FAM174B: variants seen among roughly 807,000 people sequenced by gnomAD.
FAM174B encodes family with sequence similarity 174 member B, also known as membrane protein FAM174B.
FAM174B carries 12 observed loss-of-function variants against 10.9 expected under a neutral mutation model. The observed-to-expected ratio is 1.10, with a 90% confidence interval of 0.71 to 1.79. The LOEUF (loss-of-function observed/expected upper bound fraction) is 1.79, where lower values mean the gene tolerates loss of function less well. FAM174B is among the 40% of genes most tolerant of loss of function. FAM174B has a pLI of 0.00. For missense variants in FAM174B, 266 were observed against 233.3 expected (o/e 1.14, Z -0.91); for synonymous variants, 132 against 115.8 (o/e 1.14, Z -0.90).
chr15:92,641,120 AT>A (rs769591079), intron 1 of FAM174B, among the ~76,000 whole-genome samples: 2 of 152,188 alleles, frequency 1.3e-5, no homozygotes, highest in Non-Finnish European at 2.9e-5. Flanking sequence ...CTATGAAAAA[AT>A]GTCCAATCTC....
intron 1 of FAM174B, among the ~76,000 whole-genome samples, chr15:92,643,136 GTT>G (rs35610303): frequency 4.4e-4 from 65 of 148,690 alleles, no homozygotes; most frequent in African/African-American, 6.9e-4. Flanking sequence ...CACTTTATTT[GTT>G]TTTTTTTTTT....
intron 1 of FAM174B, chr15:92,634,693 C>G (rs1280428230): frequency 6.6e-6 from 1 of 152,184 alleles, no homozygotes; most frequent in African/African-American, 2.4e-5. Flanking sequence ...TCTGTGACAA[C>G]TTGAGTGGGC....
chr15:92,626,230 C>T lies in FAM174B; in HGVS notation c.476+3984G>A, dbSNP rs893658445. ...TCTCCTGCCTCAGCCTCCCAAGTAGCTGGGACTACAGGCGCCAGCCACCGT... is the reference window on the plus strand; with the variant it reads ...TCTCCTGCCTCAGCCTCCCAAGTAGTTGGGACTACAGGCGCCAGCCACCGT... On this transcript the variant is annotated intron_variant, in intron 2 of 2. Transcript: ENST00000327355. Among the ~76,000 whole-genome samples, 5 of 150,644 alleles carry T rather than the reference C, an allele frequency of 3.3e-5. No homozygotes were observed. In the East Asian group the frequency reaches 9.9e-4, roughly 30 times the overall value.
In FAM174B at chr15:92,643,762, T is replaced by C. The variant is rs549319448; in HGVS notation, c.344+11554A>G. On this transcript the variant is annotated intron_variant, in intron 1 of 2. Coordinates refer to ENST00000327355, the MANE Select transcript of FAM174B (RefSeq NM_207446.3). ...AAACCTTTCCTCCACCTGGAGGAAA[T>C]GGAAATAGTGGGCTGTTTCCATTTT... Among the ~76,000 whole-genome samples the C allele has an allele frequency of 2.6e-5, 4 of 151,988 alleles. No individual in the cohort carries two copies. The South Asian group carries it at 8.3e-4, about 32-fold the overall frequency.
At chr15:92,635,248 A>T (rs972165610) in intron 1 of FAM174B, among the ~76,000 whole-genome samples, 9 of 152,118 alleles carry the variant, frequency 5.9e-5, no homozygotes, top group Non-Finnish European at 1.0e-4. Context: ...GGCTATTAGC[A>T]AGAGTCCTCA....
chr15:92,622,491 G>A (rs2050726377), intron 2 of FAM174B, among the ~76,000 whole-genome samples: 1 of 152,200 alleles, frequency 6.6e-6, no homozygotes, highest in African/African-American at 2.4e-5. Flanking sequence ...ACAGTGGAGG[G>A]GACAAGCTGT....
chr15:92,617,676 G>C lies in FAM174B; in HGVS notation c.*1780C>G, dbSNP rs932936711. ...CAGCAGTTCCAGTTCAAAGGTTGAG[G>C]GGGCGAACAGCTGCGAGGTGGCCAG... On this transcript the variant is annotated 3_prime_UTR_variant, in exon 3 of 3. Transcript: ENST00000327355. 10 of 681,550 alleles carry C rather than the reference G, an allele frequency of 1.5e-5. No homozygotes were observed. The highest frequency in any genetic ancestry group is 1.4e-4 in the African/African-American group (8 of 55,548). The allele number at this position is 681,550 out of a possible 1,614,324, so 42.2% of individuals were successfully genotyped here.
rs2050790312 is a variant in FAM174B at position 92,630,814 on chromosome 15, ATATATTACATATTATATAT to A, written c.345-488_345-470del. ...ACATATTACATATTATATATATTTT[ATATATTACATATTATATAT>A]TATATATATTACATATTACATGTTA... On this transcript the variant is annotated intron_variant, in intron 1 of 2. Transcript: ENST00000327355. 3.6e-4 allele frequency among the ~76,000 whole-genome samples: 16 copies of A among 44,956 alleles called. 3 individuals carry two copies. Among genetic ancestry groups the A allele is most frequent in the African/African-American group, 9.0e-4 (16 of 17,868 alleles). The allele number at this position is 44,956 out of a possible 152,430, so 29.5% of individuals were successfully genotyped here.
chr15:92,639,411 T>G (rs2050876075), intron 1 of FAM174B, among the ~76,000 whole-genome samples: 1 of 152,196 alleles, frequency 6.6e-6, no homozygotes, highest in Non-Finnish European at 1.5e-5. Context: ...ACCGACCAAT[T>G]TCTGCTGGGG....
chr15:92,624,317 T>C (rs1048806479), intron 2 of FAM174B, among the ~76,000 whole-genome samples: 4 of 152,144 alleles, frequency 2.6e-5, no homozygotes, highest in Admixed American at 2.6e-4. Context: ...ATTGTTTCTA[T>C]ACCCACCGCC....
chr15:92,640,924 C>T (rs958087643), intron 1 of FAM174B, among the ~76,000 whole-genome samples: 1 of 152,094 alleles, frequency 6.6e-6, no homozygotes, highest in Admixed American at 6.6e-5. Context: ...GGATTACAGG[C>T]ATGAGCCACC....
intron 1 of FAM174B, 129 bp from the exon 2 acceptor site, chr15:92,630,474 A>T (rs2050785380): frequency 1.2e-6 from 1 of 865,304 alleles, no homozygotes; most frequent in African/African-American, 1.7e-5. Context: ...TCTGTCTGAG[A>T]GTGTGAGGAT....
chr15:92,649,431 T>G (rs1233435424), intron 1 of FAM174B, among the ~76,000 whole-genome samples: 1 of 152,262 alleles, frequency 6.6e-6, no homozygotes, highest in Admixed American at 6.5e-5. Context: ...TGTGGCCATA[T>G]GGCTGCATCC....
intron 1 of FAM174B, among the ~76,000 whole-genome samples, chr15:92,651,303 C>G (rs1364821829): frequency 2.0e-5 from 3 of 152,170 alleles, no homozygotes; most frequent in Non-Finnish European, 2.9e-5. Context: ...CCCAGATGCT[C>G]TCATACTGGT....
chr15:92,626,835 G>A (rs113085109), intron 2 of FAM174B, among the ~76,000 whole-genome samples: 7 of 151,980 alleles, frequency 4.6e-5, no homozygotes, highest in Non-Finnish European at 7.4e-5. Context: ...GGTGGATCAC[G>A]AGGTCAAGAG....
chr15:92,630,054 G>T, intron 2 of FAM174B, 160 bp downstream of exon 2: 1 of 549,824 alleles, frequency 1.8e-6, no homozygotes, highest in East Asian at 3.0e-5. Context: ...GCATGAAAAT[G>T]GACTAACACA....
intron 2 of FAM174B, among the ~76,000 whole-genome samples, chr15:92,629,342 C>G (rs1424770516): frequency 6.6e-6 from 1 of 152,226 alleles, no homozygotes; most frequent in Non-Finnish European, 1.5e-5. Context: ...AAAACCCACA[C>G]TACAATCCTA....
Position 92,631,482 on chromosome 15 carries a change from T to TTGTG in FAM174B, c.345-1138_345-1137insCACA, listed in dbSNP as rs1555421195. Among the ~76,000 whole-genome samples the TTGTG allele has an allele frequency of 2.8e-4, 16 of 56,250 alleles. 1 individual carries two copies. Among genetic ancestry groups the TTGTG allele is most frequent in the South Asian group, 8.5e-4 (2 of 2,352 alleles). The allele number at this position is 56,250 out of a possible 152,430, so 36.9% of individuals were successfully genotyped here. ...TATATTATATATAATTTATAATATA[T>TTGTG]TATATATATATATAATTCTTTTTTT... On this transcript the variant is annotated intron_variant, in intron 1 of 2. Transcript: ENST00000327355.
chr15:92,619,035 CGGAA>C lies in FAM174B; in HGVS notation c.*417_*420del. The C allele has an allele frequency of 1.7e-6, 1 of 592,076 alleles. No individual in the cohort carries two copies. Among genetic ancestry groups the C allele is most frequent in the Non-Finnish European group, 3.0e-6 (1 of 334,140 alleles). The allele number at this position is 592,076 out of a possible 1,614,324, so 36.7% of individuals were successfully genotyped here. A position where few individuals can be genotyped will look rare whatever the true frequency, so the allele number is the denominator to read the frequency against. On this transcript the variant is annotated 3_prime_UTR_variant, in exon 3 of 3. Transcript: ENST00000327355. ...GTGTAGATCCAGTAGAGAAGAATGTCGGAAATTCTAAATACACAGTTGGACATCC... is the reference window on the plus strand; with the variant it reads ...GTGTAGATCCAGTAGAGAAGAATGTCATTCTAAATACACAGTTGGACATCC...
Sources: allele counts gnomAD v4.1 joint callset (sites outside exome capture counted in the v4.1 genomes callset), GRCh38; gene constraint gnomAD v4.1.1; transcripts MANE v1.5; gene names NCBI Gene and HGNC (gene_info 2026-07-23, HGNC 2026-07-21).